LAMA2: variants seen among roughly 807,000 people sequenced by gnomAD.
LAMA2 encodes laminin subunit alpha-2.
A neutral mutation model predicts 364.8 loss-of-function variants in LAMA2; 269 were observed. The observed-to-expected ratio is 0.74, with a 90% CI of 0.67 to 0.82. The LOEUF (loss-of-function observed/expected upper bound fraction) is 0.82, where lower values mean the gene tolerates loss of function less well. Ranked by LOEUF, LAMA2 falls within the 40% of genes least tolerant of loss-of-function variation. The pLI, the probability that LAMA2 is intolerant of heterozygous loss-of-function variation, is 0.00. For missense variants in LAMA2, 3,807 were observed against 3,873.2 expected (o/e 0.98, Z 0.45); for synonymous variants, 1,379 against 1,370.6 (o/e 1.01, Z -0.14).
At chr6:129,387,706 A>T (rs1332372001) in intron 35 of LAMA2, among the ~76,000 whole-genome samples, 1 of 152,238 alleles carries the variant, frequency 6.6e-6, no homozygotes, top group Non-Finnish European at 1.5e-5. Flanking sequence ...TACACCATGG[A>T]ATACTATGCA....
intron 31 of LAMA2, among the ~76,000 whole-genome samples, chr6:129,349,943 C>T (rs550177350): frequency 1.3e-5 from 2 of 152,200 alleles, no homozygotes; most frequent in African/African-American, 4.8e-5. Context: ...TAAATGTTTT[C>T]TCTTACCATA....
intron 21 of LAMA2, among the ~76,000 whole-genome samples, chr6:129,298,964 T>G (rs1773378590): frequency 2.0e-5 from 3 of 152,146 alleles, no homozygotes; most frequent in Non-Finnish European, 4.4e-5. Context: ...ACTCTGTTCT[T>G]TAAATCCAAA....
chr6:129,463,372 A>G (rs1261697702), intron 49 of LAMA2, among the ~76,000 whole-genome samples: 1 of 151,920 alleles, frequency 6.6e-6, no homozygotes, highest in Non-Finnish European at 1.5e-5. Context: ...TTCTCATCCC[A>G]TAGTCACCAA....
chr6:129,232,868 GA>G (rs1784755925), intron 12 of LAMA2, among the ~76,000 whole-genome samples: 1 of 152,134 alleles, frequency 6.6e-6, no homozygotes, highest in Non-Finnish European at 1.5e-5. Context: ...GAAGAGGAAG[GA>G]GAAGTTTGAA....
chr6:129,318,322 T>C (rs1277358633), intron 27 of LAMA2, among the ~76,000 whole-genome samples: 1 of 152,138 alleles, frequency 6.6e-6, no homozygotes, highest in African/African-American at 2.4e-5. Context: ...TTTAAGGAAA[T>C]AGCAACTTTT....
At chr6:129,224,974 T>G (rs1028407070) in intron 12 of LAMA2, among the ~76,000 whole-genome samples, 4 of 152,096 alleles carry the variant, frequency 2.6e-5, no homozygotes, top group Admixed American at 2.6e-4. Context: ...GGACTTTTTT[T>G]GGTTGGTAGG....
At chr6:129,046,984 C>T (rs1387967686) in intron 1 of LAMA2, among the ~76,000 whole-genome samples, 1 of 152,112 alleles carries the variant, frequency 6.6e-6, no homozygotes, top group Non-Finnish European at 1.5e-5. Context: ...ATAGTTGTAC[C>T]GTTAAATGCA....
chr6:129,285,370 A>G (rs904199686), intron 18 of LAMA2, among the ~76,000 whole-genome samples: 5 of 152,146 alleles, frequency 3.3e-5, no homozygotes, highest in Non-Finnish European at 7.4e-5. Context: ...ACGTCCTGCA[A>G]GAAAAAATAA....
intron 17 of LAMA2, among the ~76,000 whole-genome samples, chr6:129,276,130 A>C (rs1416409891): frequency 6.6e-6 from 1 of 152,022 alleles, no homozygotes; most frequent in African/African-American, 2.4e-5. Context: ...TCTTCCTCTC[A>C]GTCCCTGCCC....
intron 17 of LAMA2, among the ~76,000 whole-genome samples, chr6:129,271,878 A>T (rs1041682596): frequency 6.6e-6 from 1 of 152,128 alleles, no homozygotes; most frequent in Non-Finnish European, 1.5e-5. Flanking sequence ...CTTACCCAGA[A>T]TGCGCCTAAT....
At chr6:129,233,814 A>T (rs182932109) in intron 12 of LAMA2, among the ~76,000 whole-genome samples, 101 of 152,340 alleles carry the variant, frequency 6.6e-4, no homozygotes, top group Non-Finnish European at 1.1e-3. Flanking sequence ...AAAATATCAT[A>T]GAGATTTTAT....
At chr6:129,063,356 C>A (rs1789065976) in intron 3 of LAMA2, among the ~76,000 whole-genome samples, 1 of 152,084 alleles carries the variant, frequency 6.6e-6, no homozygotes, top group Admixed American at 6.6e-5. Context: ...AATAAGATGT[C>A]TAAAACATTC....
chr6:129,379,033 A>G (rs905163061), intron 34 of LAMA2, among the ~76,000 whole-genome samples: 1 of 152,260 alleles, frequency 6.6e-6, no homozygotes, highest in Non-Finnish European at 1.5e-5. Context: ...GCCATAAAAA[A>G]GAATGAGTTC....
intron 2 of LAMA2, among the ~76,000 whole-genome samples, chr6:129,052,305 C>CTTTT (rs71272306): frequency 0.092 from 12,019 of 130,840 alleles, 715 homozygotes; most frequent in Middle Eastern, 0.17. Context: ...CCGGCTAATT[C>CTTTT]TTTTTTTTTT....
At chr6:128,902,424 A>G (rs1253711539) in intron 1 of LAMA2, among the ~76,000 whole-genome samples, 1 of 152,188 alleles carries the variant, frequency 6.6e-6, no homozygotes, top group African/African-American at 2.4e-5. Flanking sequence ...TTTGAGACAA[A>G]TTCCACCTTT....
At chr6:129,306,347 G>T (rs5029830) in intron 22 of LAMA2, among the ~76,000 whole-genome samples, 113,306 of 125,308 alleles carry the variant, frequency 0.9, 51,008 homozygotes, top group Middle Eastern at 0.96. Context: ...CCAGAAAGGT[G>T]TTTTTTTTTT....
Position 129,315,614 on chromosome 6 carries a change from C to G in LAMA2, c.3694C>G (p.Pro1232Ala), listed in dbSNP as rs201391981. 112 of 1,614,048 alleles carry G rather than the reference C, an allele frequency of 6.9e-5. No individual in the cohort carries two copies. The highest frequency in any genetic ancestry group is 9.1e-5 in the Non-Finnish European group (107 of 1,180,002). Reference sequence around the variant, plus strand: ...GATGAGAGAAGATCTCCATTTGGAACCTTTTTATTGGAAACTTCCAGAACA... The same window carrying G: ...GATGAGAGAAGATCTCCATTTGGAAGCTTTTTATTGGAAACTTCCAGAACA... ...DLMREDLHLE[P>A]FYWKLPEQFE... is the part of the protein sequence containing the mutation. The change falls in exon 25 of 65, where the codon CCT becomes GCT. Residue 1232 changes from proline (P) to alanine (A), a missense_variant. Physicochemically the swap from Pro to Ala is conservative, Grantham distance 27. This residue lies in a region of LAMA2 where 3,333 missense variants were observed against 3,345.7 expected (regional missense o/e 1.00). Transcript: ENST00000421865.
chr6:129,165,933 G>T (rs528935500), intron 9 of LAMA2, among the ~76,000 whole-genome samples: 1 of 150,598 alleles, frequency 6.6e-6, no homozygotes, highest in South Asian at 2.1e-4. Context: ...CACATACACA[G>T]AGATAAAGAA....
At chr6:128,986,994 T>C (rs1783281971) in intron 1 of LAMA2, among the ~76,000 whole-genome samples, 1 of 152,036 alleles carries the variant, frequency 6.6e-6, no homozygotes. Context: ...AAATATTATA[T>C]ATATAAATAG....
Sources: allele counts gnomAD v4.1 joint callset (sites outside exome capture counted in the v4.1 genomes callset), GRCh38; gene constraint gnomAD v4.1.1; regional missense constraint gnomAD v4.1.1; transcripts MANE v1.5; gene names NCBI Gene and HGNC (gene_info 2026-07-23, HGNC 2026-07-21).